Variants in EXOC3L1 observed in about 807,000 individuals in gnomAD.
The protein encoded by EXOC3L1 is exocyst complex component 3-like protein.
Under a neutral mutation model 83.6 loss-of-function variants are expected in EXOC3L1, and 79 were observed. The observed-to-expected ratio is 0.95, with a 90% CI of 0.79 to 1.14. EXOC3L1 has a LOEUF of 1.14. Ranked by LOEUF, EXOC3L1 falls within the 50% of genes most tolerant of loss-of-function variation. EXOC3L1 has a pLI of 0.00. For missense variants in EXOC3L1, 945 were observed against 972.0 expected (o/e 0.97, Z 0.37); for synonymous variants, 433 against 451.2 (o/e 0.96, Z 0.51).
intron 9 of EXOC3L1, 66 bp downstream of exon 9, chr16:67,186,171 C>T (rs950967083): frequency 8.8e-7 from 1 of 1,136,162 alleles, no homozygotes; most frequent in Non-Finnish European, 1.3e-6. Context: ...GTGGGCTGAG[C>T]CCATACATAA....
intron 4 of EXOC3L1, 149 bp from the exon 5 acceptor site, chr16:67,187,986 G>C (rs1030324470): frequency 8.8e-7 from 1 of 1,132,310 alleles, no homozygotes; most frequent in Non-Finnish European, 1.2e-6. Context: ...GCTCATGCCT[G>C]TAATCCCAGC....
chr16:67,184,760 C>A lies in EXOC3L1; in HGVS notation c.1956G>T (p.Glu652Asp). 2 of 1,593,924 alleles carry A rather than the reference C, an allele frequency of 1.3e-6. No homozygotes were observed. Among genetic ancestry groups the A allele is most frequent in the Non-Finnish European group, 1.7e-6 (2 of 1,174,682 alleles). Residue 652 changes from glutamate to aspartate, a missense_variant, in exon 13 of 14, where the codon GAG becomes GAT. Transcript: ENST00000314586. ...HCAPVLLALR[E>D]LLNLRDPALL... ...GCGCGGGGTCGCGGAGGTTTAGCAGCTCCCTCAGGGCGAGCAGCACCGGCG... is the reference window on the plus strand; with the variant it reads ...GCGCGGGGTCGCGGAGGTTTAGCAGATCCCTCAGGGCGAGCAGCACCGGCG...
At position 67,184,789 on chromosome 16, in the gene EXOC3L1, AG is replaced by A; in HGVS notation, c.1926del (p.Cys643AlafsTer8). On this transcript the variant is annotated frameshift_variant, in exon 13 of 14. Transcript: ENST00000314586. LOFTEE classifies it high-confidence loss of function. ...FLSLGLEENAHCAPVLLALRE... is the reference protein window; with the variant it reads ...FLSLGLEENAXCAPVLLALRE... Reference sequence around the variant, plus strand: ...CTCAGGGCGAGCAGCACCGGCGCGCAGTGCGCGTTCTCCTCCAGGCCCTGAG... The same window carrying A: ...CTCAGGGCGAGCAGCACCGGCGCGCATGCGCGTTCTCCTCCAGGCCCTGAG... The A allele has an allele frequency of 6.2e-7, 1 of 1,600,478 alleles. No individual in the cohort carries two copies. The highest frequency in any genetic ancestry group is 8.5e-7 in the Non-Finnish European group (1 of 1,178,472).
intron 8 of EXOC3L1, 90 bp from the exon 9 acceptor site, chr16:67,186,437 T>C (rs770539392): frequency 4.8e-5 from 67 of 1,401,206 alleles, no homozygotes; most frequent in Non-Finnish European, 6.5e-5. Flanking sequence ...ACCTCCAAGA[T>C]ACCCAAGTCC....
In EXOC3L1 at chr16:67,187,620, C is replaced by T; in HGVS notation, c.645G>A (p.Glu215=). 6.2e-7 allele frequency: 1 copy of T among 1,608,250 alleles called. No homozygotes were observed. Among genetic ancestry groups the T allele is most frequent in the Non-Finnish European group, 8.5e-7 (1 of 1,177,854 alleles). The change falls in exon 5 of 14, where the codon GAG becomes GAA. Residue 215 remains glutamate, a synonymous_variant. Transcript: ENST00000314586. The part of the protein sequence containing the change: ...AAGAAGKLAR[E]DPALLVAAVR... ...CAGCAGCCACCAACAGGGCTGGGTC[C>T]TCCCGTGCCAGCTTCCCTGCGGCCC...
Position 67,187,025 on chromosome 16 carries a change from A to T in EXOC3L1, c.1154T>A (p.Ile385Asn). 6.2e-7 allele frequency: 1 copy of T among 1,613,650 alleles called. No individual in the cohort carries two copies. The highest frequency in any genetic ancestry group is 1.3e-5 in the African/African-American group (1 of 75,036). ...ACCTGTGCCTCAACTACTCACCTGG[A>T]TGTTGGCCACAAATGTTGCCTCCAG... ...EQLEATFVAN[I>N]QASVSQWLQN... The change falls in exon 6 of 14, where the codon ATC becomes AAC. Residue 385 changes from isoleucine to asparagine, a missense_variant. Transcript: ENST00000314586.
chr16:67,186,153 G>T, intron 9 of EXOC3L1, 84 bp downstream of exon 9: 3 of 949,786 alleles, frequency 3.2e-6, no homozygotes, highest in Non-Finnish European at 5.0e-6. Flanking sequence ...AGTCCCTAGT[G>T]TCCTAGTGTG....
In EXOC3L1 at chr16:67,186,886, T is replaced by TG; in HGVS notation, c.1159-3dup. The TG allele has an allele frequency of 5.0e-6, 8 of 1,613,310 alleles. No homozygotes were observed. The highest frequency in any genetic ancestry group is 6.8e-6 in the Non-Finnish European group (8 of 1,179,932). On this transcript the variant is annotated splice_polypyrimidine_tract_variant and splice_region_variant and intron_variant, in intron 6 of 13. Coordinates refer to ENST00000314586, the MANE Select transcript of EXOC3L1 (RefSeq NM_178516.4). ...CTGCAGCCACTGAGACACACTTGCC[T>TG]GGGGGGAGGGGCCAGGGGCAAAGGA...
rs2032740917 is a variant in EXOC3L1, at chr16:67,186,840, T to C, written c.1203A>G (p.Val401=). The part of the protein sequence containing the change: ...QWLQNALDGE[V]AEWGREHGPN... ...GCCCATGCTCCCGGCCCCACTCAGC[T>C]ACCTCCCCATCCAGTGCATTCTGCA... is the stretch of plus-strand genomic sequence containing the variant. Residue 401 remains valine, a synonymous_variant, in exon 7 of 14, where the codon GTA becomes GTG. Transcript: ENST00000314586. The C allele has an allele frequency of 3.1e-6, 5 of 1,613,542 alleles. No homozygotes were observed. The South Asian group carries it at 5.5e-5, about 18-fold the overall frequency.
chr16:67,186,692 T>G, intron 7 of EXOC3L1, 35 bp from the exon 8 acceptor site: 1 of 1,613,354 alleles, frequency 6.2e-7, no homozygotes, highest in Non-Finnish European at 8.5e-7. Context: ...CGGCAAAGCC[T>G]CCCTCCTTCC....
chr16:67,188,716 C>A lies in EXOC3L1; in HGVS notation c.427+5G>T. On this transcript the variant is annotated splice_donor_5th_base_variant and intron_variant, in intron 4 of 13. Transcript: ENST00000314586. The stretch of plus-strand genomic sequence containing the variant: ...GGCTGAGGCCCAGGGTCCCTGCATG[C>A]TCACCTGCCCGCAGCCGAGGCAGCA... The A allele has an allele frequency of 6.2e-7, 1 of 1,607,354 alleles. No homozygotes were observed. Among genetic ancestry groups the A allele is most frequent in the South Asian group, 1.1e-5 (1 of 90,912 alleles).
In EXOC3L1 at chr16:67,187,329, C is replaced by T. The variant is rs907993600; in HGVS notation, c.936G>A (p.Leu312=). 2 of 1,612,970 alleles carry T rather than the reference C, an allele frequency of 1.2e-6. No homozygotes were observed. The highest frequency in any genetic ancestry group is 1.7e-6 in the Non-Finnish European group (2 of 1,180,028). ...GCAGGCTGCGGCGCAAACCACTATG[C>T]AGCGTGTGGGCCCATAGCTGGACCA... ...YNVVQLWAHT[L]HSGLRRSLQN... Residue 312 remains leucine, a synonymous_variant, in exon 5 of 14, where the codon CTG becomes CTA. Transcript: ENST00000314586.
In EXOC3L1 at chr16:67,186,603, G is replaced by A. The variant is rs778803368; in HGVS notation, c.1339C>T (p.Arg447Ter). The change falls in exon 8 of 14, where the codon CGA becomes TGA. Residue 447 changes from arginine to a stop codon, truncating the protein, a stop_gained. Transcript: ENST00000314586. LOFTEE classifies it high-confidence loss of function. ...TCTGACAGTGCCATGCCATGCACTC[G>A]CTGTTGCAGTGACTCACTGACCAGG... is the stretch of plus-strand genomic sequence containing the variant. ...ASLVSESLQQ[R>*]VHGMALSELG... is the part of the protein sequence containing the mutation. The A allele has an allele frequency of 1.8e-5, 29 of 1,613,982 alleles. No homozygotes were observed. Among genetic ancestry groups the A allele is most frequent in the South Asian group, 2.2e-5 (2 of 91,088 alleles).
At position 67,189,085 on chromosome 16, in the gene EXOC3L1, C is replaced by T. The variant is rs998402749; in HGVS notation, c.142G>A (p.Ala48Thr). The part of the protein sequence containing the change: ...SGIFYRPEQL[A>T]RLGQYRSREV... ...CGGCTGCGGTACTGGCCTAGCCTGGCCAGCTGCTCCGGCCGGTAGAAGATG... is the reference window on the plus strand; with the variant it reads ...CGGCTGCGGTACTGGCCTAGCCTGGTCAGCTGCTCCGGCCGGTAGAAGATG... Residue 48 changes from alanine to threonine, a missense_variant, in exon 3 of 14, where the codon GCC becomes ACC. Coordinates refer to ENST00000314586, the MANE Select transcript of EXOC3L1 (RefSeq NM_178516.4). 1.4e-5 allele frequency: 23 copies of T among 1,607,946 alleles called. No individual in the cohort carries two copies. The highest frequency in any genetic ancestry group is 1.6e-4 in the Middle Eastern group (1 of 6,068).
In EXOC3L1 at chr16:67,184,597, G is replaced by A; in HGVS notation, c.2038C>T (p.His680Tyr). ...RQQFPDVSED[H>Y]VSALLGLRGD... ...CGCAGGCCCAAGAGGGCGGAGACGT[G>A]GTCCTCGCTGCAGGGGCACCAAGGA... Residue 680 changes from histidine to tyrosine, a missense_variant, in exon 14 of 14, where the codon CAC (histidine) becomes TAC (tyrosine). Coordinates refer to ENST00000314586, the MANE Select transcript of EXOC3L1 (RefSeq NM_178516.4). 1 of 1,582,686 alleles carries A rather than the reference G, an allele frequency of 6.3e-7. No homozygotes were observed. Among genetic ancestry groups the A allele is most frequent in the Non-Finnish European group, 8.5e-7 (1 of 1,170,872 alleles).
Position 67,184,711 on chromosome 16 carries a change from G to A in EXOC3L1, c.2005C>T (p.Leu669=). The change falls in exon 13 of 14, where the codon CTG becomes TTG. Residue 669 remains leucine, a synonymous_variant. Coordinates refer to ENST00000314586, the MANE Select transcript of EXOC3L1 (RefSeq NM_178516.4). ...CTCACGTCGGGAAATTGTTGCCGCAGGCCAGCCACCTCCAGGCCCAGCAGC... is the reference window on the plus strand; with the variant it reads ...CTCACGTCGGGAAATTGTTGCCGCAAGCCAGCCACCTCCAGGCCCAGCAGC... ...PALLGLEVAG[L]RQQFPDVSED... The A allele has an allele frequency of 6.3e-7, 1 of 1,579,434 alleles. No individual in the cohort carries two copies. Among genetic ancestry groups the A allele is most frequent in the Non-Finnish European group, 8.6e-7 (1 of 1,166,340 alleles).
chr16:67,187,305 C>T lies in EXOC3L1; in HGVS notation c.960G>A (p.Leu320=), dbSNP rs191162274. 2 of 1,612,980 alleles carry T rather than the reference C, an allele frequency of 1.2e-6. No individual in the cohort carries two copies. The highest frequency in any genetic ancestry group is 2.2e-5 in the East Asian group (1 of 44,886). ...HTLHSGLRRS[L]QNLLAGPELE... ...GCTCAGGCCCTGCAAGGAGGTTCTG[C>T]AGGCTGCGGCGCAAACCACTATGCA... Residue 320 remains leucine (L), a synonymous_variant, in exon 5 of 14, where the codon CTG becomes CTA. Transcript: ENST00000314586.
At position 67,185,398 on chromosome 16, in the gene EXOC3L1, T is replaced by G. The variant is rs757731618; in HGVS notation, c.1589A>C (p.Tyr530Ser). ...AALDELQRRI[Y>S]RLVLEALQAE... is the part of the protein sequence containing the mutation. ...CTGCAGCGCCTCCAACACCAAGCGG[T>G]AGATCCTCCTCTGCAACTCGTCCAG... Residue 530 changes from tyrosine to serine, a missense_variant, in exon 10 of 14, where the codon TAC (tyrosine) becomes TCC (serine). Tyr to Ser is a moderately radical substitution (Grantham distance 144, BLOSUM62 -2). Coordinates refer to ENST00000314586, the MANE Select transcript of EXOC3L1 (RefSeq NM_178516.4). 6.2e-7 allele frequency: 1 copy of G among 1,612,614 alleles called. No homozygotes were observed. The highest frequency in any genetic ancestry group is 8.5e-7 in the Non-Finnish European group (1 of 1,180,018).
rs2032651518 is a variant in EXOC3L1 at position 67,185,036 on chromosome 16, G to A, written c.1771C>T (p.Arg591Cys). The part of the protein sequence containing the change: ...TVQLLLAEAE[R>C]AVVLQYLSAL... ...CTCAGGTACTGGAGCACCACGGCAC[G>A]CTCGGCCTCAGCCAGCAGCAGCTGC... Residue 591 changes from arginine to cysteine, a missense_variant, in exon 12 of 14, where the codon CGT (arginine) becomes TGT (cysteine). Physicochemically the swap from Arg to Cys is radical, Grantham distance 180. Transcript: ENST00000314586. 4 of 1,608,934 alleles carry A rather than the reference G, an allele frequency of 2.5e-6. No individual in the cohort carries two copies. The highest frequency in any genetic ancestry group is 1.7e-4 in the Middle Eastern group (1 of 6,054).
Sources: gnomAD v4.1 joint callset for allele counts on GRCh38, gnomAD v4.1.1 for gene constraint, MANE v1.5 for transcripts, NCBI Gene and HGNC (gene_info 2026-07-23, HGNC 2026-07-21) for gene names.